The following PARP15 variants were observed in gnomAD, a reference collection of about 807,000 sequenced individuals.
The protein encoded by PARP15 is protein mono-ADP-ribosyltransferase PARP15.
A neutral mutation model predicts 62.1 loss-of-function variants in PARP15; 50 were observed. The observed-to-expected ratio is 0.81, with a 90% CI of 0.64 to 1.02. The LOEUF (loss-of-function observed/expected upper bound fraction) is 1.02. Ranked by LOEUF, PARP15 falls within the 50% of genes least tolerant of loss-of-function variation. PARP15 has a pLI of 0.00. For missense variants in PARP15, 820 were observed against 826.5 expected, an observed-to-expected ratio of 0.99 and a Z score of 0.10; for synonymous variants, 309 against 293.1, an observed-to-expected ratio of 1.05 and a Z score of -0.55.
intron 9 of PARP15, among the ~76,000 whole-genome samples, chr3:122,628,402 A>G (rs1936865151): frequency 6.6e-6 from 1 of 152,216 alleles, no homozygotes; most frequent in Non-Finnish European, 1.5e-5. Flanking sequence ...CTTTTACCAG[A>G]AGAGGAGAAA....
At chr3:122,588,700 A>G (rs947116953) in intron 1 of PARP15, among the ~76,000 whole-genome samples, 5 of 152,270 alleles carry the variant, frequency 3.3e-5, no homozygotes, top group African/African-American at 9.6e-5. Flanking sequence ...CATCACCGCA[A>G]GAGAAACTCC....
intron 1 of PARP15, among the ~76,000 whole-genome samples, chr3:122,601,262 G>A (rs556703376): frequency 2.7e-4 from 41 of 152,118 alleles, no homozygotes; most frequent in South Asian, 2.5e-3. Context: ...GACCTCAGGT[G>A]ATCCACTTGC....
intron 1 of PARP15, among the ~76,000 whole-genome samples, chr3:122,583,432 C>A (rs1933131754): frequency 6.6e-6 from 1 of 151,974 alleles, no homozygotes; most frequent in Non-Finnish European, 1.5e-5. Context: ...CAGTCTGTAT[C>A]ATTTTTAAAT....
chr3:122,628,648 G>C (rs1936882861), intron 9 of PARP15, among the ~76,000 whole-genome samples: 1 of 152,150 alleles, frequency 6.6e-6, no homozygotes, highest in Non-Finnish European at 1.5e-5. Flanking sequence ...TAGTTGAAGA[G>C]AGAAGCAAAC....
chr3:122,583,114 C>CTTTTTTTTTTTTTTTTTTTTTTT (rs67942585), intron 1 of PARP15, among the ~76,000 whole-genome samples: 1 of 83,444 alleles, frequency 1.2e-5, no homozygotes, highest in Non-Finnish European at 2.2e-5. Context: ...TCATCTGTAT[C>CTTTTTTTTTTTTTTTTTTTTTTT]TTTTTTTTTT....
intron 4 of PARP15, 191 bp from the exon 5 acceptor site, chr3:122,615,588 A>G: frequency 7.7e-7 from 1 of 1,299,386 alleles, no homozygotes; most frequent in South Asian, 1.5e-5. Context: ...AAGTAAAGCA[A>G]ATCAGCACTG....
chr3:122,608,543 ATGCACC>A (rs1352149568), intron 2 of PARP15, among the ~76,000 whole-genome samples: 2 of 151,880 alleles, frequency 1.3e-5, no homozygotes, highest in Non-Finnish European at 2.9e-5. Context: ...TAAATATTCC[ATGCACC>A]TTGAATGCCT....
At position 122,601,036 on chromosome 3, in the gene PARP15, G is replaced by GTTTTT. The variant is rs771581231; in HGVS notation, c.187-4881_187-4877dup. Among the ~76,000 whole-genome samples the GTTTTT allele has an allele frequency of 4.1e-4, 30 of 73,024 alleles. 1 individual carries two copies. The highest frequency in any genetic ancestry group is 5.8e-4 in the African/African-American group (7 of 12,162). 47.9% of individuals were successfully genotyped at this position (73,024 alleles called of 152,430 possible). A position where few individuals can be genotyped will look rare whatever the true frequency, so the allele number is the denominator to read the frequency against. ...CATTGGTTTTTGTTTGTCTTTTATG[G>GTTTTT]TTTTTTTTTTTTTTTTTTTTTTTGA... On this transcript the variant is annotated intron_variant, in intron 1 of 11. Transcript: ENST00000464300.
At chr3:122,635,750 A>G (rs1195837021) in intron 11 of PARP15, 61 bp from the exon 12 acceptor site, 7 of 1,519,868 alleles carry the variant, frequency 4.6e-6, no homozygotes, top group Non-Finnish European at 8.8e-7. Context: ...CAGATTGGGC[A>G]TGGTTCTACA....
chr3:122,633,692 T>C (rs1425678812), intron 10 of PARP15, among the ~76,000 whole-genome samples: 1 of 152,094 alleles, frequency 6.6e-6, no homozygotes, highest in Non-Finnish European at 1.5e-5. Flanking sequence ...TACAGTACTA[T>C]GTCATTTTAT....
intron 3 of PARP15, among the ~76,000 whole-genome samples, chr3:122,612,353 C>A (rs1333381526): frequency 2.0e-5 from 3 of 151,882 alleles, no homozygotes; most frequent in Admixed American, 6.6e-5. Flanking sequence ...CTGTGTTAGG[C>A]CCAATATTCT....
chr3:122,626,258 G>A (rs1367997299), intron 8 of PARP15, among the ~76,000 whole-genome samples: 1 of 149,078 alleles, frequency 6.7e-6, no homozygotes, highest in African/African-American at 2.5e-5. Context: ...GAGTGCAGTG[G>A]CACGATCTTG....
In PARP15 at chr3:122,582,818, A is replaced by T. The variant is rs548480614; in HGVS notation, c.186+4965A>T. 3.9e-5 allele frequency among the ~76,000 whole-genome samples: 6 copies of T among 152,136 alleles called. No homozygotes were observed. In the South Asian group the frequency reaches 1.2e-3, roughly 32 times the overall value. On this transcript the variant is annotated intron_variant, in intron 1 of 11. Coordinates refer to ENST00000464300, the MANE Select transcript of PARP15 (RefSeq NM_001113523.3). The stretch of plus-strand genomic sequence containing the variant: ...TTTTGCCATAGCTTACTAATAATTT[A>T]TTCATTATTTTGTGTCTTTCATTCT...
Position 122,621,511 on chromosome 3 carries a change from T to C in PARP15, c.1131T>C (p.His377=), listed in dbSNP as rs764928667. 1 of 1,614,084 alleles carries C rather than the reference T, an allele frequency of 6.2e-7. No homozygotes were observed. The highest frequency in any genetic ancestry group is 2.2e-5 in the East Asian group (1 of 44,888). Residue 377 remains histidine (H), a synonymous_variant, in exon 8 of 12, where the codon CAT becomes CAC. Transcript: ENST00000464300. ...GGCLKCKIII[H]VPGGKDVRKT... ...GCTTAAAGTGCAAAATAATAATTCA[T>C]GTTCCTGGGGGAAAAGATGTCAGGA...
Position 122,637,871 on chromosome 3 carries a change from C to A in PARP15, c.*1771C>A, listed in dbSNP as rs1378110678. ...TGTGCAGTTTAGTTACATATGTAAA[C>A]ATGTGCCATGTTGGTGTGCTGCACC... On this transcript the variant is annotated 3_prime_UTR_variant, in exon 12 of 12. Transcript: ENST00000464300. 6.6e-6 allele frequency: 1 copy of A among 151,982 alleles called. No individual in the cohort carries two copies. The allele number at this position is 151,982 out of a possible 1,614,324, so 9.4% of individuals were successfully genotyped here. A position where few individuals can be genotyped will look rare whatever the true frequency, so the allele number is the denominator to read the frequency against.
intron 1 of PARP15, among the ~76,000 whole-genome samples, chr3:122,598,681 A>G (rs2107500684): frequency 6.6e-6 from 1 of 152,222 alleles, no homozygotes; most frequent in East Asian, 1.9e-4. Flanking sequence ...CACACAGCCA[A>G]CTCTGATATG....
At chr3:122,579,999 G>GTGTATATATATATATA (rs1553725409) in intron 1 of PARP15, among the ~76,000 whole-genome samples, 11 of 64,454 alleles carry the variant, frequency 1.7e-4, no homozygotes, top group Non-Finnish European at 2.6e-4. Context: ...GCAACTATAT[G>GTGTATATATATATATA]TATATATATA....
chr3:122,618,432 T>C (rs973768204), intron 6 of PARP15, among the ~76,000 whole-genome samples: 3 of 151,860 alleles, frequency 2.0e-5, no homozygotes, highest in African/African-American at 4.8e-5. Context: ...TAGCCAAGGG[T>C]GGTAACTGCC....
intron 1 of PARP15, among the ~76,000 whole-genome samples, chr3:122,587,722 C>T (rs1028076889): frequency 6.6e-6 from 1 of 152,020 alleles, no homozygotes; most frequent in African/African-American, 2.4e-5. Flanking sequence ...TGAGGTCTCA[C>T]TATATTGTCC....
Sources: allele counts gnomAD v4.1 joint callset (sites outside exome capture counted in the v4.1 genomes callset), GRCh38; gene constraint gnomAD v4.1.1; transcripts MANE v1.5; gene names NCBI Gene and HGNC (gene_info 2026-07-23, HGNC 2026-07-21).